The following SH3PXD2A variants were observed in gnomAD, a reference collection of about 807,000 sequenced individuals.
The protein encoded by SH3PXD2A is SH3 and PX domain-containing protein 2A.
SH3PXD2A carries 32 observed loss-of-function variants against 115.2 expected under a neutral mutation model. The ratio of observed to expected loss-of-function variants is 0.28; its 90% confidence interval spans 0.21 to 0.37. SH3PXD2A has a LOEUF of 0.37. SH3PXD2A is among the 10% of genes least tolerant of loss of function. The pLI is 1.00. For missense variants in SH3PXD2A, 1,328 were observed against 1,498.7 expected, an observed-to-expected ratio of 0.89 and a Z score of 1.88; for synonymous variants, 610 against 629.1, an observed-to-expected ratio of 0.97 and a Z score of 0.45.
intron 5 of SH3PXD2A, among the ~76,000 whole-genome samples, chr10:103,710,481 C>CT (rs2038034774): frequency 6.6e-6 from 1 of 152,152 alleles, no homozygotes; most frequent in Non-Finnish European, 1.5e-5. Flanking sequence ...CATAGTAACC[C>CT]TATGCTGCCA....
At chr10:103,725,969 T>C (rs1306248732) in intron 4 of SH3PXD2A, among the ~76,000 whole-genome samples, 1 of 151,176 alleles carries the variant, frequency 6.6e-6, no homozygotes, top group Non-Finnish European at 1.5e-5. Flanking sequence ...CATGGAGGGG[T>C]TGGGGGTGTA....
intron 3 of SH3PXD2A, among the ~76,000 whole-genome samples, chr10:103,765,784 C>T (rs1459463635): frequency 6.6e-6 from 1 of 152,224 alleles, no homozygotes; most frequent in East Asian, 1.9e-4. Context: ...AAGGTTGTCA[C>T]CAACCTGGAT....
rs1483900164 is a variant in SH3PXD2A, at chr10:103,619,738, A to T, written c.803-2424T>A. On this transcript the variant is annotated intron_variant, in intron 10 of 14. Coordinates refer to ENST00000369774, the MANE Select transcript of SH3PXD2A (RefSeq NM_001394015.1). The stretch of plus-strand genomic sequence containing the variant: ...ACCAGGGATATCAGTTCTGGCCGGT[A>T]AAGTTGAGCTGCTCCTGCAAAAGGT... Among the ~76,000 whole-genome samples the T allele has an allele frequency of 2.0e-5, 3 of 152,200 alleles. No homozygotes were observed. In the East Asian group the frequency reaches 5.8e-4, roughly 29 times the overall value.
chr10:103,679,557 G>A (rs1336745476), intron 6 of SH3PXD2A, among the ~76,000 whole-genome samples: 2 of 152,234 alleles, frequency 1.3e-5, no homozygotes, highest in East Asian at 1.9e-4. Flanking sequence ...GGGGAGAGGG[G>A]AGTTCCCCTG....
intron 8 of SH3PXD2A, among the ~76,000 whole-genome samples, chr10:103,629,310 C>G (rs938018781): frequency 6.6e-6 from 1 of 152,182 alleles, no homozygotes; most frequent in Non-Finnish European, 1.5e-5. Context: ...GGGCAGCAGC[C>G]GCTGGCAGGT....
intron 8 of SH3PXD2A, among the ~76,000 whole-genome samples, chr10:103,655,453 T>C (rs2037196723): frequency 6.6e-6 from 1 of 152,148 alleles, no homozygotes; most frequent in Non-Finnish European, 1.5e-5. Context: ...CTAAGCAAGA[T>C]GTAGAAGATA....
At chr10:103,727,008 T>C (rs1013317183) in intron 4 of SH3PXD2A, among the ~76,000 whole-genome samples, 2 of 152,234 alleles carry the variant, frequency 1.3e-5, no homozygotes, top group Non-Finnish European at 2.9e-5. Context: ...TGTCAGGCCC[T>C]ATCCTTGGCC....
intron 8 of SH3PXD2A, among the ~76,000 whole-genome samples, chr10:103,656,233 T>C (rs1300891580): frequency 1.3e-5 from 2 of 152,216 alleles, no homozygotes; most frequent in African/African-American, 2.4e-5. Flanking sequence ...GCTGAAGAGG[T>C]TGGTTAGGTA....
chr10:103,697,630 C>A (rs531133015), intron 5 of SH3PXD2A, among the ~76,000 whole-genome samples: 1 of 152,290 alleles, frequency 6.6e-6, no homozygotes, highest in East Asian at 1.9e-4. Context: ...ATTTAACCTC[C>A]CAAGGAGTGG....
At chr10:103,619,879 T>G (rs2036577433) in intron 10 of SH3PXD2A, among the ~76,000 whole-genome samples, 2 of 152,100 alleles carry the variant, frequency 1.3e-5, no homozygotes, top group Non-Finnish European at 2.9e-5. Context: ...GTTGCAGGGA[T>G]GAGAACCCAG....
At chr10:103,672,676 C>A (rs3781338) in intron 6 of SH3PXD2A, among the ~76,000 whole-genome samples, 14,440 of 152,254 alleles carry the variant, frequency 0.095, 846 homozygotes, top group South Asian at 0.19. Context: ...CTTCTGTAAA[C>A]GGGGAAAAAA....
intron 8 of SH3PXD2A, among the ~76,000 whole-genome samples, chr10:103,640,078 G>A (rs572700806): frequency 6.6e-6 from 1 of 152,346 alleles, no homozygotes; most frequent in South Asian, 2.1e-4. Context: ...ATTTTGGGAG[G>A]CCGAGGCGGG....
At chr10:103,732,986 T>G (rs1308619048) in intron 4 of SH3PXD2A, among the ~76,000 whole-genome samples, 1 of 152,060 alleles carries the variant, frequency 6.6e-6, no homozygotes, top group African/African-American at 2.4e-5. Context: ...CCAAGGTCAG[T>G]GGGTTTCTCA....
At chr10:103,659,166 G>A (rs992384865) in intron 8 of SH3PXD2A, among the ~76,000 whole-genome samples, 4 of 152,164 alleles carry the variant, frequency 2.6e-5, no homozygotes, top group African/African-American at 9.7e-5. Flanking sequence ...GAGGGGAGAG[G>A]GCGCACATGC....
At chr10:103,642,542 G>T (rs1242905218) in intron 8 of SH3PXD2A, among the ~76,000 whole-genome samples, 1 of 152,192 alleles carries the variant, frequency 6.6e-6, no homozygotes, top group Non-Finnish European at 1.5e-5. Flanking sequence ...GACTAGTGTG[G>T]TGCCTGGTCC....
chr10:103,847,021 A>G (rs1842854063), intron 1 of SH3PXD2A, among the ~76,000 whole-genome samples: 1 of 152,268 alleles, frequency 6.6e-6, no homozygotes, highest in African/African-American at 2.4e-5. Flanking sequence ...TGCTTAGCAC[A>G]TAGAAAACAT....
At chr10:103,618,636 C>T (rs1421529226) in intron 10 of SH3PXD2A, among the ~76,000 whole-genome samples, 1 of 152,236 alleles carries the variant, frequency 6.6e-6, no homozygotes, top group African/African-American at 2.4e-5. Context: ...CAGCGAGACA[C>T]TGTTGACTGC....
In SH3PXD2A at chr10:103,596,653, A is replaced by ACTCTCTCT. The variant is rs1592252121; in HGVS notation, c.*5162_*5163insAGAGAGAG. 5 of 60,942 alleles carry ACTCTCTCT rather than the reference A, an allele frequency of 8.2e-5. No homozygotes were observed. The highest frequency in any genetic ancestry group is 1.1e-3 in the South Asian group (1 of 950). 3.8% of individuals were successfully genotyped at this position (60,942 alleles called of 1,614,324 possible). A position where few individuals can be genotyped will look rare whatever the true frequency, so the allele number is the denominator to read the frequency against. On this transcript the variant is annotated 3_prime_UTR_variant, in exon 15 of 15. Transcript: ENST00000369774. Reference sequence around the variant, plus strand: ...TACACAGACACACACACACACACACACACACACACACTCTCTCTCTCTCTC... The same window carrying ACTCTCTCT: ...TACACAGACACACACACACACACACACTCTCTCTCACACACACACTCTCTCTCTCTCTC...
At chr10:103,616,525 C>T (rs770052704) in intron 11 of SH3PXD2A, among the ~76,000 whole-genome samples, 1 of 152,188 alleles carries the variant, frequency 6.6e-6, no homozygotes, top group Admixed American at 6.5e-5. Flanking sequence ...CAGGAAAGAC[C>T]CCACTTCCCT....
Sources: gnomAD v4.1 joint callset for allele counts (sites outside exome capture counted in the v4.1 genomes callset) on GRCh38, gnomAD v4.1.1 for gene constraint, MANE v1.5 for transcripts, NCBI Gene and HGNC (gene_info 2026-07-23, HGNC 2026-07-21) for gene names.